The following PACSIN2 variants were observed in gnomAD, a reference collection of about 807,000 sequenced individuals.
The protein encoded by PACSIN2 is protein kinase C and casein kinase substrate in neurons 2.
In PACSIN2, 25 loss-of-function variants were observed where a neutral mutation model predicts 63.8. The ratio of observed to expected loss-of-function variants is 0.39; its 90% CI spans 0.29 to 0.55. The LOEUF (loss-of-function observed/expected upper bound fraction) is 0.55. PACSIN2 is among the 20% of genes least tolerant of loss of function. The pLI is 0.62. For synonymous variants in PACSIN2, 255 were observed against 256.2 expected (o/e 1.00, Z 0.05); for missense variants, 518 against 646.9 (o/e 0.80, Z 2.16).
At chr22:42,944,949 T>A (rs1933346443) in intron 1 of PACSIN2, among the ~76,000 whole-genome samples, 1 of 151,936 alleles carries the variant, frequency 6.6e-6, no homozygotes, top group African/African-American at 2.4e-5. Flanking sequence ...AATACAAAAA[T>A]TAGCCAGGTG....
intron 1 of PACSIN2, among the ~76,000 whole-genome samples, chr22:42,982,887 A>AAAAAAAAAAAAAAAAAACAAAC (rs200348918): frequency 7.7e-6 from 1 of 129,498 alleles, no homozygotes; most frequent in Non-Finnish European, 1.7e-5. Context: ...AAAAAAAAAA[A>AAAAAAAAAAAAAAAAAACAAAC]AAACAACAAC....
intron 1 of PACSIN2, among the ~76,000 whole-genome samples, chr22:42,952,153 G>A (rs1466756728): frequency 1.3e-5 from 2 of 152,120 alleles, no homozygotes; most frequent in East Asian, 3.9e-4. Context: ...TTATGCACCA[G>A]GATTTTGCCT....
rs144080380 is a variant in PACSIN2 at position 42,958,095 on chromosome 22, A to G, written c.-77-45938T>C. On this transcript the variant is annotated intron_variant, in intron 1 of 10. Coordinates refer to ENST00000263246, the MANE Select transcript of PACSIN2 (RefSeq NM_001184970.3). ...CAAATATGAACGGACTCATCAGTAG[A>G]AAAAAAAAACACTCTTAGCTAAGTG... 3.5e-3 allele frequency among the ~76,000 whole-genome samples: 530 copies of G among 149,814 alleles called. 3 individuals are homozygous for G. The highest frequency in any genetic ancestry group is 0.012 in the African/African-American group (498 of 40,846).
intron 1 of PACSIN2, among the ~76,000 whole-genome samples, chr22:43,004,714 T>C (rs1923981426): frequency 6.6e-6 from 1 of 152,216 alleles, no homozygotes; most frequent in Non-Finnish European, 1.5e-5. Context: ...TTAAGAAGAT[T>C]TCATTTCATT....
intron 1 of PACSIN2, among the ~76,000 whole-genome samples, chr22:42,992,080 G>A (rs918092445): frequency 2.0e-5 from 3 of 152,254 alleles, no homozygotes; most frequent in East Asian, 3.9e-4. Flanking sequence ...GACAGCCTCA[G>A]ACAGGGAGTC....
chr22:43,006,129 C>T (rs999896471), intron 1 of PACSIN2, among the ~76,000 whole-genome samples: 11 of 152,106 alleles, frequency 7.2e-5, no homozygotes, highest in African/African-American at 2.7e-4. Flanking sequence ...AGAGCTCTCT[C>T]GCCTTCTTTC....
chr22:42,950,729 A>G (rs1366586213), intron 1 of PACSIN2, among the ~76,000 whole-genome samples: 1 of 152,194 alleles, frequency 6.6e-6, no homozygotes, highest in Non-Finnish European at 1.5e-5. Context: ...AATTACCTAG[A>G]AAAAAAGTCC....
intron 1 of PACSIN2, among the ~76,000 whole-genome samples, chr22:42,929,069 G>A (rs900420978): frequency 1.3e-5 from 2 of 152,268 alleles, no homozygotes; most frequent in Non-Finnish European, 2.9e-5. Flanking sequence ...ATAAGAGTGT[G>A]TATGTGCAGT....
intron 1 of PACSIN2, among the ~76,000 whole-genome samples, chr22:42,980,770 G>A (rs1174745946): frequency 1.2e-4 from 11 of 89,104 alleles, no homozygotes; most frequent in African/African-American, 1.4e-4. Flanking sequence ...ATTGCAGATG[G>A]AGTCTCGTTC....
chr22:42,954,656 G>A (rs1248531372), intron 1 of PACSIN2, among the ~76,000 whole-genome samples: 1 of 152,186 alleles, frequency 6.6e-6, no homozygotes, highest in African/African-American at 2.4e-5. Context: ...AAACAGTCAC[G>A]TGGTTAGTGG....
intron 1 of PACSIN2, among the ~76,000 whole-genome samples, chr22:42,981,361 T>G (rs1351617842): frequency 5.8e-5 from 7 of 119,960 alleles, no homozygotes; most frequent in African/African-American, 1.0e-4. Flanking sequence ...GTGGGGGGGG[T>G]CAGCCCCCCG....
intron 2 of PACSIN2, among the ~76,000 whole-genome samples, chr22:42,904,616 A>G (rs1377117633): frequency 6.6e-6 from 1 of 152,162 alleles, no homozygotes; most frequent in Non-Finnish European, 1.5e-5. Context: ...CCGATGATCT[A>G]GTGGGGAAAC....
intron 1 of PACSIN2, among the ~76,000 whole-genome samples, chr22:42,967,611 G>A (rs760567589): frequency 4.3e-4 from 65 of 152,298 alleles, no homozygotes; most frequent in African/African-American, 8.4e-4. Context: ...CAAATGGGCC[G>A]GGCGCGGTGG....
chr22:42,964,763 A>T (rs1920939301), intron 1 of PACSIN2, among the ~76,000 whole-genome samples: 1 of 152,124 alleles, frequency 6.6e-6, no homozygotes, highest in South Asian at 2.1e-4. Flanking sequence ...CTCTGACCAC[A>T]AGCCTTTTCC....
chr22:42,931,651 C>T (rs1397262043), intron 1 of PACSIN2, among the ~76,000 whole-genome samples: 1 of 152,254 alleles, frequency 6.6e-6, no homozygotes, highest in Non-Finnish European at 1.5e-5. Context: ...GTGGTTTAAA[C>T]TTGATGAGTT....
chr22:42,942,098 T>C (rs996830123), intron 1 of PACSIN2, among the ~76,000 whole-genome samples: 2 of 108,952 alleles, frequency 1.8e-5, no homozygotes, highest in African/African-American at 7.7e-5. Flanking sequence ...ATTTTAAGAG[T>C]TCTTTTTTTT....
At chr22:42,883,944 T>C (rs1042747682) in intron 6 of PACSIN2, among the ~76,000 whole-genome samples, 4 of 151,132 alleles carry the variant, frequency 2.6e-5, no homozygotes, top group African/African-American at 4.9e-5. Flanking sequence ...GTGGAGGAGG[T>C]TGCAGTGAAC....
intron 1 of PACSIN2, among the ~76,000 whole-genome samples, chr22:42,959,114 G>C (rs1250884159): frequency 2.6e-5 from 4 of 152,198 alleles, no homozygotes; most frequent in Admixed American, 6.5e-5. Flanking sequence ...GAAATGAGAA[G>C]AACTGAGGGG....
intron 1 of PACSIN2, among the ~76,000 whole-genome samples, chr22:42,932,678 C>T (rs1219067361): frequency 1.3e-5 from 2 of 151,554 alleles, no homozygotes; most frequent in Non-Finnish European, 2.9e-5. Context: ...ATTAGTTACT[C>T]GGATTATTAA....
Sources: allele counts gnomAD v4.1 joint callset (sites outside exome capture counted in the v4.1 genomes callset), GRCh38; gene constraint gnomAD v4.1.1; transcripts MANE v1.5; gene names NCBI Gene and HGNC (gene_info 2026-07-23, HGNC 2026-07-21).